The following MACROD1 variants were observed in gnomAD, a reference collection of about 807,000 sequenced individuals.
MACROD1 encodes the protein mono-ADP ribosylhydrolase 1.
In MACROD1, 31 loss-of-function variants were observed where a neutral mutation model predicts 41.4. That is an observed-to-expected ratio of 0.75 (90% confidence interval 0.56 to 1.01). The LOEUF (loss-of-function observed/expected upper bound fraction) is 1.01. Among genes scored for constraint, MACROD1 ranks in the 50% least tolerant of loss-of-function variants. The pLI is 0.00. For missense variants in MACROD1, 473 were observed against 460.0 expected, an observed-to-expected ratio of 1.03 and a Z score of -0.26; for synonymous variants, 252 against 203.4, an observed-to-expected ratio of 1.24 and a Z score of -2.03.
At chr11:64,078,934 C>T (rs1007412489) in intron 3 of MACROD1, among the ~76,000 whole-genome samples, 6 of 152,146 alleles carry the variant, frequency 3.9e-5, no homozygotes, top group Non-Finnish European at 5.9e-5. Flanking sequence ...TATGCCAGTG[C>T]GGTTAAGGGT....
intron 3 of MACROD1, among the ~76,000 whole-genome samples, chr11:64,109,126 G>A (rs764347585): frequency 4.2e-4 from 64 of 152,296 alleles, no homozygotes; most frequent in Non-Finnish European, 2.2e-4. Context: ...AAGAGGAGAC[G>A]TGGGAGTGAG....
intron 3 of MACROD1, among the ~76,000 whole-genome samples, chr11:64,071,133 C>T (rs1230292962): frequency 6.6e-6 from 1 of 152,134 alleles, no homozygotes; most frequent in Non-Finnish European, 1.5e-5. Flanking sequence ...CAAAATTCTA[C>T]TCATCCTTCC....
intron 3 of MACROD1, among the ~76,000 whole-genome samples, chr11:64,068,018 G>A (rs1198987932): frequency 2.6e-5 from 4 of 152,158 alleles, no homozygotes; most frequent in Admixed American, 6.5e-5. Flanking sequence ...GAAAACCGCC[G>A]GTCTTGGGGG....
intron 3 of MACROD1, among the ~76,000 whole-genome samples, chr11:64,074,139 A>G (rs532362098): frequency 2.1e-4 from 32 of 152,312 alleles, no homozygotes; most frequent in African/African-American, 7.5e-4. Flanking sequence ...GAATGTCACA[A>G]GTAGACATGA....
intron 3 of MACROD1, among the ~76,000 whole-genome samples, chr11:64,121,747 C>T (rs906839601): frequency 3.9e-5 from 6 of 152,202 alleles, no homozygotes; most frequent in Admixed American, 3.9e-4. Context: ...TCCAAGGGAA[C>T]GTCCGCGGCT....
chr11:64,028,393 C>T (rs904503571), intron 3 of MACROD1, among the ~76,000 whole-genome samples: 16 of 152,250 alleles, frequency 1.1e-4, no homozygotes, highest in African/African-American at 3.6e-4. Flanking sequence ...TTCTCTGTTC[C>T]CCTGCCCTCC....
rs147824954 is a variant in MACROD1, at chr11:64,056,500, G to A, written c.518-41219C>T. On this transcript the variant is annotated intron_variant, in intron 3 of 10. Transcript: ENST00000255681. Reference sequence around the variant, plus strand: ...AGGCTGTACTAGAGAGAAGACAGACGGACGGAGAGACGGAGCCTGGGTCTC... The same window carrying A: ...AGGCTGTACTAGAGAGAAGACAGACAGACGGAGAGACGGAGCCTGGGTCTC... 2.7e-3 allele frequency among the ~76,000 whole-genome samples: 418 copies of A among 152,324 alleles called. 3 individuals are homozygous for A. The highest frequency in any genetic ancestry group is 7.6e-3 in the African/African-American group (314 of 41,560).
Position 64,165,702 on chromosome 11 carries a change from G to T in MACROD1, c.293C>A (p.Ala98Glu). 1 of 1,448,958 alleles carries T rather than the reference G, an allele frequency of 6.9e-7. No individual in the cohort carries two copies. Among genetic ancestry groups the T allele is most frequent in the Non-Finnish European group, 9.1e-7 (1 of 1,097,752 alleles). The allele number at this position is 1,448,958 out of a possible 1,614,324, so 89.8% of individuals were successfully genotyped here. Reference sequence around the variant, plus strand: ...CCCCTCGTGCTTACACTTACATTTCGCCTCCTTCCAGTCGGTGGAGGTGCT... The same window carrying T: ...CCCCTCGTGCTTACACTTACATTTCTCCTCCTTCCAGTCGGTGGAGGTGCT... ...DLSTSTDWKE[A>E]KSFLKGLSDK... The change falls in exon 1 of 11, where the codon GCG becomes GAG. Residue 98 changes from alanine (A) to glutamate (E), a missense_variant. Transcript: ENST00000255681.
In MACROD1 at chr11:64,009,906, G is replaced by A. The variant is rs563739218; in HGVS notation, c.547+5346C>T. The stretch of plus-strand genomic sequence containing the variant: ...GCCCCATCTTCTGAGCCCCAGTTGC[G>A]CCGGCCCCTCCTGGCAGGAACTCCA... On this transcript the variant is annotated intron_variant, in intron 4 of 10. Transcript: ENST00000255681. Among the ~76,000 whole-genome samples, 111 of 152,378 alleles carry A rather than the reference G, an allele frequency of 7.3e-4. 1 individual carries two copies. Among genetic ancestry groups the A allele is most frequent in the African/African-American group, 2.4e-3 (98 of 41,586 alleles).
At position 64,064,696 on chromosome 11, in the gene MACROD1, C is replaced by G. The variant is rs1223347399; in HGVS notation, c.518-49415G>C. 6.7e-6 allele frequency among the ~76,000 whole-genome samples: 1 copy of G among 149,212 alleles called. No individual in the cohort carries two copies. Among genetic ancestry groups the G allele is most frequent in the Non-Finnish European group, 1.5e-5 (1 of 66,878 alleles). On this transcript the variant is annotated intron_variant, in intron 3 of 10. Transcript: ENST00000255681. This position sits in a 1 kb window ranked among gnomAD's most constrained non-coding sequence, Gnocchi z 4.5. ...GGCACCGAGATAGAAGGAGGGGGGCCCTCCCTGAGTTCTCCTCTCCCCTCC... is the reference window on the plus strand; with the variant it reads ...GGCACCGAGATAGAAGGAGGGGGGCGCTCCCTGAGTTCTCCTCTCCCCTCC...
intron 3 of MACROD1, among the ~76,000 whole-genome samples, chr11:64,129,022 G>A (rs1267488531): frequency 2.6e-5 from 4 of 152,238 alleles, no homozygotes; most frequent in Admixed American, 6.5e-5. Flanking sequence ...TCCTGCTCCC[G>A]GCTTTACCTC....
intron 3 of MACROD1, among the ~76,000 whole-genome samples, chr11:64,144,356 CTG>C (rs1945461026): frequency 6.6e-6 from 1 of 152,226 alleles, no homozygotes; most frequent in African/African-American, 2.4e-5. Context: ...GAATTAGAGA[CTG>C]TGTCCTTTGC....
intron 3 of MACROD1, among the ~76,000 whole-genome samples, chr11:64,059,294 G>C (rs866309696): frequency 4.6e-5 from 7 of 152,164 alleles, no homozygotes; most frequent in Non-Finnish European, 8.8e-5. Flanking sequence ...AGGGTCTTGC[G>C]GGTCCTGGCT....
chr11:64,024,021 C>T (rs146806680), intron 3 of MACROD1, among the ~76,000 whole-genome samples: 1 of 152,144 alleles, frequency 6.6e-6, no homozygotes, highest in African/African-American at 2.4e-5. Flanking sequence ...TCCCCTAAAC[C>T]CCTGGCAACA....
intron 3 of MACROD1, among the ~76,000 whole-genome samples, chr11:64,131,337 G>T (rs1274231149): frequency 6.6e-6 from 1 of 151,080 alleles, no homozygotes; most frequent in Non-Finnish European, 1.5e-5. Context: ...AGACCCTCGG[G>T]ACGTTTTCTT....
chr11:64,046,590 C>G (rs1164180144), intron 3 of MACROD1, among the ~76,000 whole-genome samples: 1 of 152,128 alleles, frequency 6.6e-6, no homozygotes, highest in East Asian at 1.9e-4. Context: ...TTGTTCTCGT[C>G]GCTCAGGCTA....
At chr11:64,025,737 AGACG>A (rs1943216508) in intron 3 of MACROD1, among the ~76,000 whole-genome samples, 1 of 117,674 alleles carries the variant, frequency 8.5e-6, no homozygotes, top group African/African-American at 3.3e-5. Flanking sequence ...TTTTTTTTTC[AGACG>A]GTCTCGCTCT....
At chr11:64,130,789 C>T (rs1945254763) in intron 3 of MACROD1, among the ~76,000 whole-genome samples, 1 of 152,226 alleles carries the variant, frequency 6.6e-6, no homozygotes. Flanking sequence ...CTCCAGAGGA[C>T]CTTCTCCTCC....
chr11:64,142,635 C>G (rs1243812197), intron 3 of MACROD1, among the ~76,000 whole-genome samples: 1 of 152,182 alleles, frequency 6.6e-6, no homozygotes, highest in Non-Finnish European at 1.5e-5. Context: ...ATTTATGTAA[C>G]CACTGCCCGA....
Sources: gnomAD v4.1 joint callset for allele counts (sites outside exome capture counted in the v4.1 genomes callset) on GRCh38, gnomAD v4.1.1 for gene constraint, Gnocchi (gnomAD v3.1) non-coding constraint, MANE v1.5 for transcripts, NCBI Gene and HGNC (gene_info 2026-07-23, HGNC 2026-07-21) for gene names.